Variants in MEGF9 observed in about 807,000 individuals in gnomAD.
MEGF9 encodes the protein multiple EGF like domains 9, also known as multiple epidermal growth factor-like domains protein 9.
In MEGF9, 6 loss-of-function variants were observed where a neutral mutation model predicts 46.8. The observed-to-expected ratio is 0.13, with a 90% CI of 0.07 to 0.25. MEGF9 has a LOEUF of 0.25. Among genes scored for constraint, MEGF9 ranks in the 10% least tolerant of loss-of-function variants. The pLI, the probability that MEGF9 is intolerant of heterozygous loss-of-function variation, is 1.00. For missense variants in MEGF9, 683 were observed against 792.4 expected (o/e 0.86, Z 1.66); for synonymous variants, 302 against 330.7 (o/e 0.91, Z 0.94).
chr9:120,605,717 T>A lies in MEGF9; in HGVS notation c.1358-76A>T. ...TGAGAAACAATAAAAGAAATACGCATGGGAGTGAATGTTGATGTAGGATGT... is the reference window on the plus strand; with the variant it reads ...TGAGAAACAATAAAAGAAATACGCAAGGGAGTGAATGTTGATGTAGGATGT... On this transcript the variant is annotated intron_variant, in intron 5 of 5. Transcript: ENST00000373930. The surrounding 1 kb of genome is among the most constrained non-coding windows in gnomAD (Gnocchi z 4.0). 4 of 1,030,962 alleles carry A rather than the reference T, an allele frequency of 3.9e-6. No individual in the cohort carries two copies. Among genetic ancestry groups the A allele is most frequent in the Non-Finnish European group, 5.6e-6 (4 of 712,170 alleles). 63.9% of individuals were successfully genotyped at this position (1,030,962 alleles called of 1,614,324 possible). A position where few individuals can be genotyped will look rare whatever the true frequency, so the allele number is the denominator to read the frequency against.
chr9:120,701,149 AAAT>A lies in MEGF9; in HGVS notation c.601+12606_601+12608del, dbSNP rs540330165. ...AAAGAAAAAAAAAAAACAATTTCCAAAATTAAAAAGGAGTAGGAAATATGATAT... is the reference window on the plus strand; with the variant it reads ...AAAGAAAAAAAAAAAACAATTTCCAATAAAAAGGAGTAGGAAATATGATAT... On this transcript the variant is annotated intron_variant, in intron 1 of 5. Transcript: ENST00000373930. 4.5e-4 allele frequency among the ~76,000 whole-genome samples: 68 copies of A among 151,908 alleles called. No individual in the cohort carries two copies. The East Asian group carries it at 0.013, about 29-fold the overall frequency.
chr9:120,667,315 T>A (rs1018716361), intron 1 of MEGF9, among the ~76,000 whole-genome samples: 1 of 152,216 alleles, frequency 6.6e-6, no homozygotes, highest in South Asian at 2.1e-4. Flanking sequence ...TTTTAGTATT[T>A]AAAATGCTAT....
intron 1 of MEGF9, among the ~76,000 whole-genome samples, chr9:120,679,663 C>A (rs1035602879): frequency 1.3e-5 from 2 of 151,908 alleles, no homozygotes; most frequent in African/African-American, 2.4e-5. Context: ...CTCTGGCCAG[C>A]GCAGTGGCTC....
In MEGF9 at chr9:120,613,249, T is replaced by C. The variant is rs184106701; in HGVS notation, c.944-710A>G. Among the ~76,000 whole-genome samples the C allele has an allele frequency of 1.1e-4, 16 of 151,988 alleles. No individual in the cohort carries two copies. In the East Asian group the frequency reaches 2.9e-3, roughly 28 times the overall value. On this transcript the variant is annotated intron_variant, in intron 3 of 5. Transcript: ENST00000373930. ...AACCACACTAAGCGCACTAAGCAAA[T>C]GGATACAGAGTACACTAACCAGATG...
At chr9:120,654,867 T>G (rs1167503788) in intron 2 of MEGF9, among the ~76,000 whole-genome samples, 1 of 152,186 alleles carries the variant, frequency 6.6e-6, no homozygotes, top group Non-Finnish European at 1.5e-5. Flanking sequence ...ATTTACGTCG[T>G]AGTTTTTAAC....
Position 120,669,911 on chromosome 9 carries a change from A to G in MEGF9, c.602-10336T>C, listed in dbSNP as rs2043741105. 2.0e-5 allele frequency among the ~76,000 whole-genome samples: 3 copies of G among 152,216 alleles called. No homozygotes were observed. The South Asian group carries it at 6.2e-4, about 32-fold the overall frequency. On this transcript the variant is annotated intron_variant, in intron 1 of 5. Coordinates refer to ENST00000373930, the MANE Select transcript of MEGF9 (RefSeq NM_001080497.3). ...AAGGGATTGGGGAAGATTAGGAATT[A>G]GAGTTGGTTAAACTACAGCTTTTTA...
At chr9:120,652,524 C>CA (rs1416659253) in intron 2 of MEGF9, among the ~76,000 whole-genome samples, 1 of 136,102 alleles carries the variant, frequency 7.3e-6, no homozygotes, top group Admixed American at 7.3e-5. Context: ...ACCAAAAAAC[C>CA]AAAAAGAGAT....
At chr9:120,696,074 T>C (rs763780264) in intron 1 of MEGF9, among the ~76,000 whole-genome samples, 1 of 152,192 alleles carries the variant, frequency 6.6e-6, no homozygotes, top group Non-Finnish European at 1.5e-5. Flanking sequence ...ATACCCAAGG[T>C]TAGCAGTGTG....
intron 1 of MEGF9, among the ~76,000 whole-genome samples, chr9:120,698,626 A>C (rs1013084174): frequency 1.2e-4 from 18 of 152,224 alleles, no homozygotes; most frequent in African/African-American, 4.3e-4. Context: ...TAACAGACAA[A>C]GTTCTCACTG....
intron 1 of MEGF9, among the ~76,000 whole-genome samples, chr9:120,701,329 T>G (rs1232953114): frequency 6.6e-6 from 1 of 152,182 alleles, no homozygotes; most frequent in African/African-American, 2.4e-5. Flanking sequence ...AAGACTGAAA[T>G]AAGTTTTCAG....
chr9:120,605,167 C>G lies in MEGF9; in HGVS notation c.*23G>C. On this transcript the variant is annotated 3_prime_UTR_variant, in exon 6 of 6. Coordinates refer to ENST00000373930, the MANE Select transcript of MEGF9 (RefSeq NM_001080497.3). This position sits in a 1 kb window ranked among gnomAD's most constrained non-coding sequence, Gnocchi z 4.0. ...TGTCTTAGCAAGCACTGTGGTTTAA[C>G]AATTCAGAACAGTTCTAGCTCCTTA... 1 of 1,585,318 alleles carries G rather than the reference C, an allele frequency of 6.3e-7. No individual in the cohort carries two copies. Among genetic ancestry groups the G allele is most frequent in the African/African-American group, 1.3e-5 (1 of 74,208 alleles).
At position 120,667,205 on chromosome 9, in the gene MEGF9, C is replaced by T. The variant is rs558346770; in HGVS notation, c.602-7630G>A. Reference sequence around the variant, plus strand: ...CTTGGCACTAACGTCCACAGGGGACCCAACTAATGATTGAGGCTTTTTCAA... The same window carrying T: ...CTTGGCACTAACGTCCACAGGGGACTCAACTAATGATTGAGGCTTTTTCAA... On this transcript the variant is annotated intron_variant, in intron 1 of 5. Transcript: ENST00000373930. Among the ~76,000 whole-genome samples the T allele has an allele frequency of 3.3e-5, 5 of 152,138 alleles. No individual in the cohort carries two copies. The South Asian group carries it at 1.0e-3, about 32-fold the overall frequency.
chr9:120,698,221 C>T (rs565600568), intron 1 of MEGF9, among the ~76,000 whole-genome samples: 2 of 152,178 alleles, frequency 1.3e-5, no homozygotes, highest in Admixed American at 6.5e-5. Flanking sequence ...CATCTTTCTA[C>T]GAGCCCAATT....
intron 1 of MEGF9, among the ~76,000 whole-genome samples, chr9:120,660,334 G>A (rs1271222837): frequency 6.6e-6 from 1 of 152,144 alleles, no homozygotes; most frequent in Admixed American, 6.5e-5. Flanking sequence ...GGCATGCAAT[G>A]TGTAATAATC....
At position 120,622,600 on chromosome 9, in the gene MEGF9, T is replaced by C. The variant is rs780700671; in HGVS notation, c.943+16A>G. On this transcript the variant is annotated intron_variant, in intron 3 of 5. Coordinates refer to ENST00000373930, the MANE Select transcript of MEGF9 (RefSeq NM_001080497.3). ...CAGTGGAATAATTACATGACAAAGTTAAGGAAAGTACGTACCTGTGAGGGC... is the reference window on the plus strand; with the variant it reads ...CAGTGGAATAATTACATGACAAAGTCAAGGAAAGTACGTACCTGTGAGGGC... The C allele has an allele frequency of 6.2e-7, 1 of 1,612,564 alleles. No homozygotes were observed. The highest frequency in any genetic ancestry group is 1.7e-5 in the Admixed American group (1 of 59,752).
intron 2 of MEGF9, among the ~76,000 whole-genome samples, chr9:120,648,703 T>C (rs531570597): frequency 6.6e-6 from 1 of 152,324 alleles, no homozygotes; most frequent in Admixed American, 6.5e-5. Context: ...TTTCTAGTGA[T>C]CAAATAACCT....
At chr9:120,706,370 T>C (rs2043928908) in intron 1 of MEGF9, among the ~76,000 whole-genome samples, 1 of 152,140 alleles carries the variant, frequency 6.6e-6, no homozygotes, top group Non-Finnish European at 1.5e-5. Context: ...AAGGAATTTC[T>C]ACAAAAACCT....
rs756856340 is a variant in MEGF9 at position 120,605,214 on chromosome 9, C to T, written c.1785G>A (p.Thr595=). 2.1e-5 allele frequency: 34 copies of T among 1,613,390 alleles called. 1 individual carries two copies. In the South Asian group the frequency reaches 3.1e-4, roughly 15 times the overall value. ...CTTAGGCTTTGTAGTTATGTATGGG[C>T]GTCGTCAGGGTCAGCTGCCCATTGG... The part of the protein sequence containing the change: ...VAPNGQLTLT[T]PIHNYKA The change falls in exon 6 of 6, where the codon ACG becomes ACA. Residue 595 remains threonine, a synonymous_variant. Transcript: ENST00000373930. The surrounding 1 kb of genome is among the most constrained non-coding windows in gnomAD (Gnocchi z 4.0).
intron 3 of MEGF9, among the ~76,000 whole-genome samples, chr9:120,614,421 A>G (rs1011476463): frequency 3.3e-5 from 5 of 152,184 alleles, no homozygotes; most frequent in African/African-American, 1.2e-4. Flanking sequence ...ATCATTTTCA[A>G]TCATGTAATT....
Sources: gnomAD v4.1 joint callset for allele counts (sites outside exome capture counted in the v4.1 genomes callset) on GRCh38, gnomAD v4.1.1 for gene constraint, Gnocchi (gnomAD v3.1) non-coding constraint, MANE v1.5 for transcripts, NCBI Gene and HGNC (gene_info 2026-07-23, HGNC 2026-07-21) for gene names.